The following MTREX variants were observed in gnomAD, a reference collection of about 807,000 sequenced individuals.
MTREX encodes exosome RNA helicase MTR4.
A neutral mutation model predicts 135.4 loss-of-function variants in MTREX; 76 were observed. The ratio of observed to expected loss-of-function variants is 0.56; its 90% CI spans 0.47 to 0.68. MTREX has a LOEUF of 0.68. Among genes scored for constraint, MTREX ranks in the 30% least tolerant of loss-of-function variants. MTREX has a pLI of 0.00. For synonymous variants in MTREX, 404 were observed against 401.6 expected, an observed-to-expected ratio of 1.01 and a Z score of -0.07; for missense variants, 920 against 1,262.1, an observed-to-expected ratio of 0.73 and a Z score of 4.11.
intron 21 of MTREX, among the ~76,000 whole-genome samples, chr5:55,403,690 C>T (rs1029749165): frequency 2.6e-5 from 4 of 152,216 alleles, no homozygotes; most frequent in Admixed American, 1.3e-4. Context: ...CTCTGGTAGG[C>T]CTGATAAGTC....
intron 11 of MTREX, 27 bp from the exon 12 acceptor site, chr5:55,349,546 T>C: frequency 7.8e-7 from 1 of 1,273,910 alleles, no homozygotes; most frequent in South Asian, 1.2e-5. Context: ...CATTTTGATA[T>C]TTCTGTACCC....
At chr5:55,398,693 A>C (rs1750680741) in intron 20 of MTREX, among the ~76,000 whole-genome samples, 2 of 152,184 alleles carry the variant, frequency 1.3e-5, no homozygotes, top group Non-Finnish European at 2.9e-5. Context: ...GTCAGTTGTC[A>C]TTTTGCTAAA....
intron 25 of MTREX, among the ~76,000 whole-genome samples, chr5:55,422,529 C>G (rs1046025353): frequency 6.6e-6 from 1 of 152,170 alleles, no homozygotes; most frequent in African/African-American, 2.4e-5. Flanking sequence ...TGGTCCTTCC[C>G]TTGTTGCTGC....
intron 21 of MTREX, among the ~76,000 whole-genome samples, chr5:55,401,231 C>T (rs752403046): frequency 2.0e-5 from 3 of 152,156 alleles, no homozygotes; most frequent in Non-Finnish European, 4.4e-5. Context: ...GACGGGGTTT[C>T]GCCATGTTGG....
chr5:55,337,560 G>A (rs1182628947), intron 5 of MTREX, among the ~76,000 whole-genome samples: 1 of 152,040 alleles, frequency 6.6e-6, no homozygotes, highest in Non-Finnish European at 1.5e-5. Context: ...ATATTACTGT[G>A]TTTCATTTTC....
At chr5:55,363,853 A>T (rs1171664033) in intron 15 of MTREX, among the ~76,000 whole-genome samples, 1 of 152,238 alleles carries the variant, frequency 6.6e-6, no homozygotes, top group Non-Finnish European at 1.5e-5. Context: ...TTGAAGATTT[A>T]GTATTTATTT....
intron 1 of MTREX, among the ~76,000 whole-genome samples, chr5:55,311,105 TTA>T (rs1749105107): frequency 6.6e-6 from 1 of 152,164 alleles, no homozygotes; most frequent in African/African-American, 2.4e-5. Flanking sequence ...TAAAAAAACT[TTA>T]TGAGAATTGT....
At chr5:55,382,616 T>G (rs1750414500) in intron 18 of MTREX, among the ~76,000 whole-genome samples, 1 of 152,096 alleles carries the variant, frequency 6.6e-6, no homozygotes, top group African/African-American at 2.4e-5. Flanking sequence ...TTGAAAATCA[T>G]TTATGGTTTT....
At chr5:55,358,185 G>A (rs1197704412) in intron 14 of MTREX, among the ~76,000 whole-genome samples, 1 of 152,158 alleles carries the variant, frequency 6.6e-6, no homozygotes, top group African/African-American at 2.4e-5. Context: ...TTTACTGCCA[G>A]TGAATTAGCC....
intron 7 of MTREX, 81 bp from the exon 8 acceptor site, chr5:55,343,250 C>G (rs1324211178): frequency 8.0e-7 from 1 of 1,253,488 alleles, no homozygotes; most frequent in Admixed American, 2.4e-5. Flanking sequence ...TATAAAGCTT[C>G]AGAGAATATA....
In MTREX at chr5:55,425,375, TAAA is replaced by T. The variant is rs1196360917; in HGVS notation, c.*606_*608del. 2.6e-6 allele frequency: 4 copies of T among 1,515,946 alleles called. No homozygotes were observed. Among genetic ancestry groups the T allele is most frequent in the Non-Finnish European group, 3.6e-6 (4 of 1,113,112 alleles). 93.9% of individuals were successfully genotyped at this position (1,515,946 alleles called of 1,614,324 possible). On this transcript the variant is annotated 3_prime_UTR_variant, in exon 27 of 27. Coordinates refer to ENST00000230640, the MANE Select transcript of MTREX (RefSeq NM_015360.5). ...TTTAATGGTATAATTTAGATCAAGT[TAAA>T]AACTACATACAAAGTTGTGATCAAC...
intron 14 of MTREX, chr5:55,357,526 C>A: frequency 6.5e-6 from 1 of 155,008 alleles, no homozygotes; most frequent in South Asian, 2.0e-4. Context: ...CTCAGCCCAT[C>A]ATGGACATAA....
intron 11 of MTREX, 38 bp downstream of exon 11, chr5:55,347,182 A>G: frequency 6.5e-7 from 1 of 1,540,888 alleles, no homozygotes; most frequent in South Asian, 1.2e-5. Flanking sequence ...ATGTTATGTG[A>G]AAATGAGCGT....
At chr5:55,367,500 G>C (rs1750124923) in intron 16 of MTREX, among the ~76,000 whole-genome samples, 1 of 146,810 alleles carries the variant, frequency 6.8e-6, no homozygotes, top group African/African-American at 2.5e-5. Context: ...AAAAAAAAAA[G>C]CAGCACATGC....
At chr5:55,389,010 T>C (rs1750523644) in intron 19 of MTREX, among the ~76,000 whole-genome samples, 1 of 152,218 alleles carries the variant, frequency 6.6e-6, no homozygotes, top group South Asian at 2.1e-4. Flanking sequence ...GGCAGTATTT[T>C]TAAAAAGACA....
At chr5:55,312,885 T>A (rs1749137301) in intron 1 of MTREX, among the ~76,000 whole-genome samples, 1 of 152,218 alleles carries the variant, frequency 6.6e-6, no homozygotes, top group African/African-American at 2.4e-5. Context: ...CTATACACTT[T>A]CAGTGCTAAA....
intron 16 of MTREX, among the ~76,000 whole-genome samples, chr5:55,367,772 A>G (rs1389151372): frequency 6.6e-6 from 1 of 152,186 alleles, no homozygotes; most frequent in Admixed American, 6.5e-5. Context: ...AAAAGCTAAA[A>G]TGGAGGCAAC....
intron 26 of MTREX, chr5:55,424,425 A>G (rs1253811322): frequency 5.0e-6 from 1 of 201,838 alleles, no homozygotes; most frequent in African/African-American, 2.3e-5. Flanking sequence ...GATTACAGGC[A>G]TGAGCTACTG....
rs754998981 is a variant in MTREX at position 55,358,679 on chromosome 5, T to C, written c.1640T>C (p.Ile547Thr). The C allele has an allele frequency of 6.3e-7, 1 of 1,596,042 alleles. No homozygotes were observed. Among genetic ancestry groups the C allele is most frequent in the African/African-American group, 1.4e-5 (1 of 73,880 alleles). The change falls in exon 15 of 27, where the codon ATT (isoleucine) becomes ACT (threonine). Residue 547 changes from isoleucine (I) to threonine (T), a missense_variant. By Grantham distance (89) the Ile-to-Thr change is moderately conservative (BLOSUM62 -1). Coordinates refer to ENST00000230640, the MANE Select transcript of MTREX (RefSeq NM_015360.5). ...LMVDEKMSPT[I>T]GKQLLKGSAD... ...GTAGATGAAAAGATGAGCCCAACAA[T>C]TGGAAAACAATTACTTAAGGTAACT...
Sources: allele counts gnomAD v4.1 joint callset (sites outside exome capture counted in the v4.1 genomes callset), GRCh38; gene constraint gnomAD v4.1.1; transcripts MANE v1.5; gene names NCBI Gene and HGNC (gene_info 2026-07-23, HGNC 2026-07-21).